SLCO2B1: variants seen among roughly 807,000 people sequenced by gnomAD.
The protein encoded by SLCO2B1 is solute carrier organic anion transporter family member 2B1, also known as OATP-RP2.
Under a neutral mutation model 67.3 loss-of-function variants are expected in SLCO2B1, and 41 were observed. That is an observed-to-expected ratio of 0.61 (90% CI 0.47 to 0.79). The LOEUF (loss-of-function observed/expected upper bound fraction) is 0.79, where lower values mean the gene tolerates loss of function less well. Ranked by LOEUF, SLCO2B1 falls within the 30% of genes least tolerant of loss-of-function variation. The probability of loss-of-function intolerance (pLI) is 0.00; values close to 1 mark genes in which losing one functional copy is unlikely to be tolerated. For synonymous variants in SLCO2B1, 379 were observed against 381.4 expected, an observed-to-expected ratio of 0.99 and a Z score of 0.07; for missense variants, 837 against 920.1, an observed-to-expected ratio of 0.91 and a Z score of 1.17.
At chr11:75,197,660 G>C (rs1945120501) in intron 10 of SLCO2B1, among the ~76,000 whole-genome samples, 1 of 152,186 alleles carries the variant, frequency 6.6e-6, no homozygotes, top group Admixed American at 6.5e-5. Flanking sequence ...GCCATAGTGT[G>C]GGGGCAGGTG....
In SLCO2B1 at chr11:75,175,519, C is replaced by G. The variant is rs1450733870; in HGVS notation, c.972+2950C>G. On this transcript the variant is annotated intron_variant, in intron 7 of 13. Transcript: ENST00000289575. ...AGGGCTCAGGGGTCCCCTAAATACC[C>G]TCTTAGAAGTAAATGCTGTTTTTAA... 2.0e-5 allele frequency among the ~76,000 whole-genome samples: 3 copies of G among 152,110 alleles called. No homozygotes were observed. In the East Asian group the frequency reaches 5.8e-4, roughly 29 times the overall value.
intron 7 of SLCO2B1, among the ~76,000 whole-genome samples, chr11:75,181,090 C>T (rs760560493): frequency 2.0e-4 from 30 of 152,096 alleles, no homozygotes; most frequent in Non-Finnish European, 3.1e-4. Context: ...AAGCCAGGGC[C>T]GGTTGCCGTG....
At chr11:75,192,561 G>A (rs557129012) in intron 8 of SLCO2B1, among the ~76,000 whole-genome samples, 284 of 152,216 alleles carry the variant, frequency 1.9e-3, no homozygotes, top group Non-Finnish European at 3.2e-3. Context: ...TGGGTGGGGC[G>A]GGGGAGAGGA....
At chr11:75,192,950 C>T (rs1018115354) in intron 8 of SLCO2B1, among the ~76,000 whole-genome samples, 2 of 151,746 alleles carry the variant, frequency 1.3e-5, no homozygotes, top group South Asian at 2.1e-4. Flanking sequence ...AGGCTGAGGC[C>T]GAGAATCACT....
chr11:75,161,304 A>T (rs1449127857), intron 1 of SLCO2B1, among the ~76,000 whole-genome samples: 1 of 152,224 alleles, frequency 6.6e-6, no homozygotes, highest in Non-Finnish European at 1.5e-5. Context: ...ATGGAGGGTG[A>T]CTACAGATGG....
Position 75,167,895 on chromosome 11 carries a change from C to CTTTTTT in SLCO2B1, c.449-1267_449-1262dup, listed in dbSNP as rs561140005. On this transcript the variant is annotated intron_variant, in intron 4 of 13. Coordinates refer to ENST00000289575, the MANE Select transcript of SLCO2B1 (RefSeq NM_007256.5). ...ATCTGGAGAACTTTGTTCTTTCTTT[C>CTTTTTT]TTTTTTTTTTTTTTTTGAGATGGAG... Among the ~76,000 whole-genome samples, 21 of 134,394 alleles carry CTTTTTT rather than the reference C, an allele frequency of 1.6e-4. 1 individual carries two copies. Among genetic ancestry groups the CTTTTTT allele is most frequent in the East Asian group, 4.3e-4 (2 of 4,646 alleles). The allele number at this position is 134,394 out of a possible 152,430, so 88.2% of individuals were successfully genotyped here.
chr11:75,205,524 G>A lies in SLCO2B1; in HGVS notation c.*944G>A, dbSNP rs896929476. On this transcript the variant is annotated 3_prime_UTR_variant, in exon 14 of 14. Transcript: ENST00000289575. ...AAAGTCCCTGTGACCTTTGTGACTA[G>A]GATCCTAATTTCTCTATTTTCTCCT... is the stretch of plus-strand genomic sequence containing the variant. 2.0e-5 allele frequency: 3 copies of A among 152,300 alleles called. No individual in the cohort carries two copies. The highest frequency in any genetic ancestry group is 7.2e-5 in the African/African-American group (3 of 41,458). The allele number at this position is 152,300 out of a possible 1,614,324, so 9.4% of individuals were successfully genotyped here. A position where few individuals can be genotyped will look rare whatever the true frequency, so the allele number is the denominator to read the frequency against.
In SLCO2B1 at chr11:75,169,413, ACCAGTG is replaced by A. The variant is rs770206405; in HGVS notation, c.682+11_682+16del. The A allele has an allele frequency of 1.3e-6, 2 of 1,575,886 alleles. No individual in the cohort carries two copies. The highest frequency in any genetic ancestry group is 1.2e-5 in the South Asian group (1 of 86,232). ...AACTCGCCCCTCTACCTCGGTGAGG[ACCAGTG>A]CCATCCCTTGGCCTCTGAGGGTCAG... On this transcript the variant is annotated splice_region_variant and intron_variant, in intron 5 of 13. Coordinates refer to ENST00000289575, the MANE Select transcript of SLCO2B1 (RefSeq NM_007256.5).
intron 13 of SLCO2B1, 143 bp downstream of exon 13, chr11:75,203,570 C>A: frequency 9.5e-7 from 1 of 1,047,880 alleles, no homozygotes; most frequent in Non-Finnish European, 1.4e-6. Context: ...GCTGAGCTCA[C>A]CAGTCCTTCA....
intron 1 of SLCO2B1, chr11:75,151,833 A>G: frequency 5.5e-6 from 1 of 181,482 alleles, no homozygotes; most frequent in South Asian, 1.4e-4. Flanking sequence ...ATCAACAGGT[A>G]TCAGCGAGAG....
chr11:75,196,758 A>C, intron 10 of SLCO2B1, 79 bp downstream of exon 10: 4 of 1,281,802 alleles, frequency 3.1e-6, no homozygotes, highest in Non-Finnish European at 4.3e-6. Context: ...CATACTCTCC[A>C]CTTCTGCATG....
intron 6 of SLCO2B1, among the ~76,000 whole-genome samples, chr11:75,171,775 T>A (rs1204041191): frequency 6.6e-6 from 1 of 152,178 alleles, no homozygotes; most frequent in African/African-American, 2.4e-5. Flanking sequence ...CCCACCCCAC[T>A]CTGTGGTCAT....
chr11:75,183,814 T>G (rs567289999), intron 7 of SLCO2B1, among the ~76,000 whole-genome samples: 2 of 152,196 alleles, frequency 1.3e-5, no homozygotes, highest in Non-Finnish European at 2.9e-5. Context: ...GAGAGCTCAG[T>G]CAAGGCATGA....
chr11:75,174,157 T>C (rs1364841898), intron 7 of SLCO2B1, among the ~76,000 whole-genome samples: 3 of 152,230 alleles, frequency 2.0e-5, no homozygotes, highest in Non-Finnish European at 1.5e-5. Flanking sequence ...TTAATACTTA[T>C]ACACATTTCA....
chr11:75,158,603 C>A (rs1380435601), intron 1 of SLCO2B1, among the ~76,000 whole-genome samples: 4 of 152,026 alleles, frequency 2.6e-5, no homozygotes, highest in Non-Finnish European at 4.4e-5. Context: ...GGTTTTATGA[C>A]CTGCTTCTAC....
chr11:75,163,021 A>G, intron 2 of SLCO2B1: 1 of 395,604 alleles, frequency 2.5e-6, no homozygotes, highest in South Asian at 3.4e-5. Flanking sequence ...TTCTTGGAGT[A>G]GTACAGGATG....
rs116953635 is a variant in SLCO2B1, at chr11:75,164,809, G to A, written c.285+709G>A. On this transcript the variant is annotated intron_variant, in intron 3 of 13. Coordinates refer to ENST00000289575, the MANE Select transcript of SLCO2B1 (RefSeq NM_007256.5). ...TGTCCCCAGATCCTCCTCAGCACCCGCCTCATAGGTGGGAGGGGAAAGTCC... is the reference window on the plus strand; with the variant it reads ...TGTCCCCAGATCCTCCTCAGCACCCACCTCATAGGTGGGAGGGGAAAGTCC... 3.3e-4 allele frequency among the ~76,000 whole-genome samples: 50 copies of A among 152,256 alleles called. No homozygotes were observed. In the East Asian group the frequency reaches 8.3e-3, roughly 25 times the overall value.
At chr11:75,192,046 T>G (rs939791096) in intron 8 of SLCO2B1, among the ~76,000 whole-genome samples, 2 of 152,124 alleles carry the variant, frequency 1.3e-5, no homozygotes, top group Non-Finnish European at 2.9e-5. Flanking sequence ...TCCAAGCATT[T>G]GCCCCTCCTG....
At chr11:75,204,212 G>A in intron 13 of SLCO2B1, 188 bp from the exon 14 acceptor site, 1 of 546,918 alleles carries the variant, frequency 1.8e-6, no homozygotes, top group Non-Finnish European at 3.1e-6. Flanking sequence ...GATGAAGATG[G>A]CCAGGCCTCT....
Sources: allele counts gnomAD v4.1 joint callset (sites outside exome capture counted in the v4.1 genomes callset), GRCh38; gene constraint gnomAD v4.1.1; transcripts MANE v1.5; gene names NCBI Gene and HGNC (gene_info 2026-07-23, HGNC 2026-07-21).